TTC27: variants seen among roughly 807,000 people sequenced by gnomAD.
The protein encoded by TTC27 is tetratricopeptide repeat protein 27.
In TTC27, 79 loss-of-function variants were observed where a neutral mutation model predicts 115.9. The observed-to-expected ratio is 0.68, with a 90% CI of 0.57 to 0.82. The LOEUF (loss-of-function observed/expected upper bound fraction) is 0.82, where lower values mean the gene tolerates loss of function less well. Ranked by LOEUF, TTC27 falls within the 40% of genes least tolerant of loss-of-function variation. TTC27 has a pLI of 0.00. For synonymous variants in TTC27, 401 were observed against 356.0 expected, an observed-to-expected ratio of 1.13 and a Z score of -1.42; for missense variants, 1,054 against 993.1, an observed-to-expected ratio of 1.06 and a Z score of -0.82.
At chr2:32,643,879 A>G (rs1352205778) in intron 4 of TTC27, among the ~76,000 whole-genome samples, 1 of 151,868 alleles carries the variant, frequency 6.6e-6, no homozygotes, top group African/African-American at 2.4e-5. Context: ...TAGTAAAAAT[A>G]CAAAAATTAG....
Position 32,820,874 on chromosome 2 carries a change from C to A in TTC27, c.2468C>A (p.Thr823Lys), listed in dbSNP as rs765329640. The change falls in exon 20 of 20, where the codon ACA becomes AAA. Residue 823 changes from threonine (T) to lysine (K), a missense_variant. Coordinates refer to ENST00000317907, the MANE Select transcript of TTC27 (RefSeq NM_017735.5). ...EMSRELADDI[T>K]AMDTLVTELQ... ...TCCAGGGAATTAGCTGATGACATAA[C>A]AGCTATGGACACCTTAGTGACAGAG... is the stretch of plus-strand genomic sequence containing the variant. 3.4e-5 allele frequency: 53 copies of A among 1,544,150 alleles called. No homozygotes were observed. The highest frequency in any genetic ancestry group is 3.9e-5 in the Non-Finnish European group (45 of 1,142,130).
At chr2:32,701,741 C>T (rs1286817713) in intron 9 of TTC27, among the ~76,000 whole-genome samples, 1 of 151,984 alleles carries the variant, frequency 6.6e-6, no homozygotes, top group East Asian at 1.9e-4. Context: ...TTTATCTTAG[C>T]CTAATAGTTC....
At chr2:32,636,539 G>T (rs1317529018) in intron 3 of TTC27, among the ~76,000 whole-genome samples, 1 of 152,046 alleles carries the variant, frequency 6.6e-6, no homozygotes, top group Admixed American at 6.6e-5. Context: ...GTGCCAATTT[G>T]GTCCTTACAG....
At chr2:32,705,043 T>C (rs1667318876) in intron 10 of TTC27, 1 of 408,838 alleles carries the variant, frequency 2.4e-6, no homozygotes, top group Admixed American at 2.7e-5. Flanking sequence ...TGTTGAAATG[T>C]GATTCCCATT....
At chr2:32,819,337 T>C (rs1328344582) in intron 19 of TTC27, among the ~76,000 whole-genome samples, 1 of 152,172 alleles carries the variant, frequency 6.6e-6, no homozygotes, top group East Asian at 1.9e-4. Context: ...CCAACTGGAT[T>C]ATCCAAAAAT....
intron 9 of TTC27, among the ~76,000 whole-genome samples, chr2:32,680,407 T>A (rs992497468): frequency 1.1e-4 from 17 of 152,172 alleles, no homozygotes; most frequent in Non-Finnish European, 1.2e-4. Flanking sequence ...GGAGTTTATG[T>A]CAAATACAGA....
chr2:32,691,689 CTTT>C (rs1221022474), intron 9 of TTC27, among the ~76,000 whole-genome samples: 19 of 151,896 alleles, frequency 1.3e-4, no homozygotes, highest in African/African-American at 4.6e-4. Context: ...AGAATTGATT[CTTT>C]AATTTATAAA....
intron 10 of TTC27, among the ~76,000 whole-genome samples, chr2:32,721,675 G>T (rs865983279): frequency 3.3e-5 from 5 of 150,548 alleles, no homozygotes; most frequent in Middle Eastern, 3.4e-3. Flanking sequence ...ACCCAGGCTG[G>T]AGTACAGTGG....
chr2:32,773,009 C>CT (rs1469011965), intron 13 of TTC27, among the ~76,000 whole-genome samples: 7 of 152,216 alleles, frequency 4.6e-5, no homozygotes, highest in Admixed American at 3.9e-4. Flanking sequence ...CTATCACACT[C>CT]TAGGGGACTT....
chr2:32,781,421 G>A (rs774160981), intron 14 of TTC27, among the ~76,000 whole-genome samples: 2 of 150,940 alleles, frequency 1.3e-5, no homozygotes, highest in Non-Finnish European at 2.9e-5. Context: ...TTCTTCCCAT[G>A]TCCGCCATTT....
chr2:32,669,231 A>T (rs1225850403), intron 7 of TTC27, among the ~76,000 whole-genome samples: 1 of 152,236 alleles, frequency 6.6e-6, no homozygotes, highest in Non-Finnish European at 1.5e-5. Flanking sequence ...GGCTCAAGCC[A>T]TCCACTTTCC....
At chr2:32,659,928 G>T (rs1665475687) in intron 5 of TTC27, among the ~76,000 whole-genome samples, 1 of 152,056 alleles carries the variant, frequency 6.6e-6, no homozygotes, top group African/African-American at 2.4e-5. Context: ...ATGGGCATTT[G>T]GGTTGACTCC....
chr2:32,726,459 G>A (rs1247712237), intron 10 of TTC27, among the ~76,000 whole-genome samples: 1 of 152,178 alleles, frequency 6.6e-6, no homozygotes, highest in Non-Finnish European at 1.5e-5. Flanking sequence ...AATGCCTCTA[G>A]TCTCTGTGCT....
chr2:32,671,391 C>G (rs968827174), intron 7 of TTC27, among the ~76,000 whole-genome samples: 1 of 151,902 alleles, frequency 6.6e-6, no homozygotes, highest in Non-Finnish European at 1.5e-5. Context: ...TCAGGCTGAT[C>G]TCAAACTCCT....
chr2:32,677,014 T>C (rs1048949394), intron 8 of TTC27, among the ~76,000 whole-genome samples: 4 of 151,954 alleles, frequency 2.6e-5, no homozygotes, highest in Non-Finnish European at 5.9e-5. Flanking sequence ...AAGTTAACTG[T>C]TATGCTGAAT....
chr2:32,758,237 A>C (rs547208698), intron 12 of TTC27, 55 bp from the exon 13 acceptor site: 3 of 1,529,856 alleles, frequency 2.0e-6, no homozygotes, highest in Non-Finnish European at 2.7e-6. Flanking sequence ...TGTGCTAAAA[A>C]AAAAAATAGC....
At position 32,648,321 on chromosome 2, in the gene TTC27, G is replaced by A. The variant is rs6543661; in HGVS notation, c.538-1810G>A. On this transcript the variant is annotated intron_variant, in intron 4 of 19. Coordinates refer to ENST00000317907, the MANE Select transcript of TTC27 (RefSeq NM_017735.5). ...TTTTCGTATTTTTAGTAGGAACCGG[G>A]TTTCATCATGTTAGCCAGGCTGCTC... is the stretch of plus-strand genomic sequence containing the variant. Among the ~76,000 whole-genome samples, 813 of 151,986 alleles carry A rather than the reference G, an allele frequency of 5.3e-3. 12 individuals are homozygous for A. Among genetic ancestry groups the A allele is most frequent in the African/African-American group, 0.019 (772 of 41,460 alleles).
At chr2:32,675,940 C>T (rs538031518) in intron 8 of TTC27, among the ~76,000 whole-genome samples, 2 of 151,992 alleles carry the variant, frequency 1.3e-5, no homozygotes, top group African/African-American at 4.8e-5. Flanking sequence ...TACAGGCGCC[C>T]ACCACCATGC....
chr2:32,772,303 A>G (rs1669854145), intron 13 of TTC27, among the ~76,000 whole-genome samples: 1 of 152,204 alleles, frequency 6.6e-6, no homozygotes, highest in Non-Finnish European at 1.5e-5. Context: ...CTTTGTAAGC[A>G]TCATTTTCCT....
Sources: allele counts gnomAD v4.1 joint callset (sites outside exome capture counted in the v4.1 genomes callset), GRCh38; gene constraint gnomAD v4.1.1; transcripts MANE v1.5; gene names NCBI Gene and HGNC (gene_info 2026-07-23, HGNC 2026-07-21).